The following ELP4 variants were observed in gnomAD, a reference collection of about 807,000 sequenced individuals.
The protein encoded by ELP4 is elongator complex protein 4.
In ELP4, 51 loss-of-function variants were observed where a neutral mutation model predicts 48.9. That is an observed-to-expected ratio of 1.04 (90% CI 0.83 to 1.32). ELP4 has a LOEUF of 1.32. ELP4 is among the 40% of genes most tolerant of loss of function. The pLI, the probability that ELP4 is intolerant of heterozygous loss-of-function variation, is 0.00. For synonymous variants in ELP4, 210 were observed against 189.2 expected, an observed-to-expected ratio of 1.11 and a Z score of -0.90; for missense variants, 519 against 514.6, an observed-to-expected ratio of 1.01 and a Z score of -0.08.
At chr11:31,569,352 G>C (rs1957159993) in intron 3 of ELP4, among the ~76,000 whole-genome samples, 1 of 152,172 alleles carries the variant, frequency 6.6e-6, no homozygotes, top group African/African-American at 2.4e-5. Context: ...CTGTGCATCT[G>C]ACACAGGCCT....
At chr11:31,718,971 A>G (rs1446492903) in intron 9 of ELP4, among the ~76,000 whole-genome samples, 1 of 152,220 alleles carries the variant, frequency 6.6e-6, no homozygotes, top group East Asian at 1.9e-4. Context: ...ATATTTGGAA[A>G]GTACAGCCTG....
At chr11:31,758,071 A>T (rs186684540) in intron 9 of ELP4, among the ~76,000 whole-genome samples, 56 of 152,320 alleles carry the variant, frequency 3.7e-4, no homozygotes, top group African/African-American at 1.2e-3. Flanking sequence ...GGACTATATT[A>T]AACAATTTTA....
chr11:31,577,215 C>T (rs1332720653), intron 3 of ELP4, among the ~76,000 whole-genome samples: 2 of 152,140 alleles, frequency 1.3e-5, no homozygotes, highest in African/African-American at 2.4e-5. Context: ...GACACATACA[C>T]CCTCCCACGA....
intron 9 of ELP4, among the ~76,000 whole-genome samples, chr11:31,757,676 G>T (rs1271148586): frequency 6.6e-6 from 1 of 152,070 alleles, no homozygotes; most frequent in Non-Finnish European, 1.5e-5. Context: ...ACTAAACTTT[G>T]TCAGAGATGA....
intron 9 of ELP4, among the ~76,000 whole-genome samples, chr11:31,713,896 G>T (rs1946790882): frequency 6.6e-6 from 1 of 152,106 alleles, no homozygotes; most frequent in Admixed American, 6.6e-5. Flanking sequence ...ATAATGATTG[G>T]AATGCAAATA....
In ELP4 at chr11:31,632,425, A is replaced by T. The variant is rs1944881358; in HGVS notation, c.927+20A>T. 1.9e-6 allele frequency: 3 copies of T among 1,580,736 alleles called. No individual in the cohort carries two copies. The highest frequency in any genetic ancestry group is 2.6e-6 in the Non-Finnish European group (3 of 1,162,584). On this transcript the variant is annotated intron_variant, in intron 7 of 9. Coordinates refer to ENST00000640961, the MANE Select transcript of ELP4 (RefSeq NM_019040.5). ...ATCCAGGTACGAAATTTCCAGAACT[A>T]CTTTTTCATAATTCATAGTAATATA...
chr11:31,615,930 G>A (rs991136833), intron 5 of ELP4, among the ~76,000 whole-genome samples: 1 of 151,930 alleles, frequency 6.6e-6, no homozygotes, highest in Non-Finnish European at 1.5e-5. Flanking sequence ...TCATAACTAA[G>A]TTAATGAGAA....
intron 3 of ELP4, among the ~76,000 whole-genome samples, chr11:31,560,383 ATTATT>A (rs1234304870): frequency 6.6e-6 from 1 of 152,032 alleles, no homozygotes; most frequent in East Asian, 1.9e-4. Flanking sequence ...GTTTTTAGAA[ATTATT>A]TTAGTTCATA....
intron 9 of ELP4, among the ~76,000 whole-genome samples, chr11:31,732,099 C>T (rs555408222): frequency 3.4e-4 from 51 of 151,868 alleles, no homozygotes; most frequent in Non-Finnish European, 6.8e-4. Flanking sequence ...AACAGTAACA[C>T]GAACAGGGAA....
Position 31,509,891 on chromosome 11 carries a change from C to T in ELP4, c.107C>T (p.Ala36Val), listed in dbSNP as rs779826231. The change falls in exon 1 of 10, where the codon GCC becomes GTC. Residue 36 changes from alanine (A) to valine (V), a missense_variant. Coordinates refer to ENST00000640961, the MANE Select transcript of ELP4 (RefSeq NM_019040.5). ...AGTTTCCAGAGGAGGGGTCCTAGAG[C>T]CAGCGTGACCAACGACAGCGGCCCT... ...VTSFQRRGPR[A>V]SVTNDSGPRL... 4 of 1,614,120 alleles carry T rather than the reference C, an allele frequency of 2.5e-6. No homozygotes were observed. The highest frequency in any genetic ancestry group is 3.4e-6 in the Non-Finnish European group (4 of 1,180,032).
At chr11:31,720,387 C>T (rs991691758) in intron 9 of ELP4, among the ~76,000 whole-genome samples, 9 of 152,030 alleles carry the variant, frequency 5.9e-5, no homozygotes, top group African/African-American at 2.2e-4. Flanking sequence ...CTATTGTCTG[C>T]CCAGTCCCAA....
At chr11:31,697,802 T>C (rs1162426024) in intron 9 of ELP4, among the ~76,000 whole-genome samples, 1 of 152,134 alleles carries the variant, frequency 6.6e-6, no homozygotes, top group Non-Finnish European at 1.5e-5. Flanking sequence ...ATTTATAATA[T>C]TTTTATATTA....
intron 5 of ELP4, among the ~76,000 whole-genome samples, chr11:31,609,270 C>T (rs1019828808): frequency 2.0e-5 from 3 of 152,130 alleles, no homozygotes; most frequent in African/African-American, 7.2e-5. Flanking sequence ...TTGGCACGAT[C>T]TCGTTGGGCT....
Position 31,787,467 on chromosome 11 carries a change from AGAAG to A in ELP4, c.*3948_*3951del, listed in dbSNP as rs1219054000. 13 of 233,204 alleles carry A rather than the reference AGAAG, an allele frequency of 5.6e-5. No individual in the cohort carries two copies. Among genetic ancestry groups the A allele is most frequent in the Non-Finnish European group, 1.1e-4 (13 of 118,086 alleles). 14.4% of individuals were successfully genotyped at this position (233,204 alleles called of 1,614,324 possible). A position where few individuals can be genotyped will look rare whatever the true frequency, so the allele number is the denominator to read the frequency against. ...ACCGTGGTGGAAATTACAGCCAGCG[AGAAG>A]GAAGAAGTAAGCCAGCCAGCAGCTG... On this transcript the variant is annotated 3_prime_UTR_variant, in exon 10 of 10. Coordinates refer to ENST00000640961, the MANE Select transcript of ELP4 (RefSeq NM_019040.5).
chr11:31,644,115 G>A (rs1457540979), intron 7 of ELP4, among the ~76,000 whole-genome samples: 1 of 151,622 alleles, frequency 6.6e-6, no homozygotes, highest in Non-Finnish European at 1.5e-5. Context: ...AGGAGCGCAG[G>A]GAGATTTGTC....
intron 7 of ELP4, among the ~76,000 whole-genome samples, chr11:31,636,176 T>C (rs2134052246): frequency 6.6e-6 from 1 of 152,054 alleles, no homozygotes; most frequent in Middle Eastern, 3.4e-3. Flanking sequence ...CCTATTCACA[T>C]GGAACTTTTT....
chr11:31,618,123 A>G (rs567684637), intron 5 of ELP4, among the ~76,000 whole-genome samples: 5 of 152,122 alleles, frequency 3.3e-5, no homozygotes, highest in Non-Finnish European at 7.4e-5. Flanking sequence ...TTATATCCAT[A>G]CAATGTAATA....
intron 7 of ELP4, chr11:31,647,353 T>G (rs970243845): frequency 7.0e-5 from 13 of 185,356 alleles, no homozygotes; most frequent in African/African-American, 2.9e-4. Context: ...TGAATCCTGC[T>G]GTCTGACAGG....
chr11:31,600,457 A>G (rs1565074157), intron 4 of ELP4: 1 of 152,120 alleles, frequency 6.6e-6, no homozygotes, highest in Non-Finnish European at 1.5e-5. Flanking sequence ...TTTCTATCTT[A>G]GTGGTTTAGC....
Sources: gnomAD v4.1 joint callset for allele counts (sites outside exome capture counted in the v4.1 genomes callset) on GRCh38, gnomAD v4.1.1 for gene constraint, MANE v1.5 for transcripts, NCBI Gene and HGNC (gene_info 2026-07-23, HGNC 2026-07-21) for gene names.